OR51C1: variants seen among roughly 807,000 people sequenced by gnomAD.
The protein encoded by OR51C1 is olfactory receptor OR51C1.
the OR51C1 span, among the ~76,000 whole-genome samples, chr11:4,695,320 G>C: frequency 6.6e-6 from 1 of 152,044 alleles, no homozygotes; most frequent in African/African-American, 2.4e-5. Flanking sequence ...AGTGCCATTG[G>C]TTGCTTTTTT....
chr11:4,697,630 T>C, the OR51C1 span: 121,068 of 152,622 alleles, frequency 0.79, 48,348 homozygotes, highest in South Asian at 0.91. Flanking sequence ...AGCATTTTCA[T>C]TGAACAAAAC....
chr11:4,692,239 A>C, the OR51C1 span: 5 of 416,628 alleles, frequency 1.2e-5, no homozygotes, highest in Non-Finnish European at 1.4e-5. Context: ...ATTATAATAC[A>C]AAGTAACACA....
At chr11:4,696,628 CA>C in the OR51C1 span, among the ~76,000 whole-genome samples, 1 of 152,156 alleles carries the variant, frequency 6.6e-6, no homozygotes, top group Admixed American at 6.5e-5. Flanking sequence ...AAATTTCCCC[CA>C]AGCTTCTCTT....
the OR51C1 span, chr11:4,691,241 C>T: frequency 8.8e-6 from 4 of 456,836 alleles, no homozygotes; most frequent in South Asian, 4.6e-5. Flanking sequence ...GCATTAGGAG[C>T]CCCCTGATGA....
At chr11:4,695,577 T>C in the OR51C1 span, among the ~76,000 whole-genome samples, 1 of 152,200 alleles carries the variant, frequency 6.6e-6, no homozygotes, top group Non-Finnish European at 1.5e-5. Flanking sequence ...TTCCTTCACC[T>C]TCAGTAACAA....
the OR51C1 span, chr11:4,691,695 G>A: frequency 2.7e-6 from 1 of 366,104 alleles, no homozygotes; most frequent in South Asian, 2.1e-5. Context: ...ATTCTGCAAA[G>A]TTGACGTGAT....
At chr11:4,695,408 ATTCAT>A in the OR51C1 span, among the ~76,000 whole-genome samples, 1 of 152,216 alleles carries the variant, frequency 6.6e-6, no homozygotes, top group Admixed American at 6.5e-5. Flanking sequence ...TTTCCAAACA[ATTCAT>A]TTCAACCAGG....
the OR51C1 span, among the ~76,000 whole-genome samples, chr11:4,695,343 A>G: frequency 1.3e-5 from 2 of 152,126 alleles, no homozygotes; most frequent in African/African-American, 2.4e-5. Context: ...AGTCTGCAAT[A>G]CTCAAGTTTT....
At chr11:4,694,720 A>G in the OR51C1 span, among the ~76,000 whole-genome samples, 5 of 152,214 alleles carry the variant, frequency 3.3e-5, no homozygotes, top group African/African-American at 1.2e-4. Flanking sequence ...AACAGAAACA[A>G]ACAGATAAAT....
chr11:4,691,344 A>G, the OR51C1 span: 5 of 457,846 alleles, frequency 1.1e-5, no homozygotes, highest in South Asian at 7.7e-5. Flanking sequence ...ATCAAAAGCC[A>G]TGGCCAACAG....
At chr11:4,693,591 G>A in the OR51C1 span, among the ~76,000 whole-genome samples, 1 of 152,074 alleles carries the variant, frequency 6.6e-6, no homozygotes, top group African/African-American at 2.4e-5. Context: ...CGTGGTGGCG[G>A]GCGCCTGTAG....
At chr11:4,696,264 T>C in the OR51C1 span, among the ~76,000 whole-genome samples, 1 of 152,078 alleles carries the variant, frequency 6.6e-6, no homozygotes, top group African/African-American at 2.4e-5. Flanking sequence ...CATTCTCTCG[T>C]CCCCTCCAAA....
chr11:4,691,661 GA>G, the OR51C1 span: 1 of 403,688 alleles, frequency 2.5e-6, no homozygotes, highest in Non-Finnish European at 4.9e-6. Flanking sequence ...CAGTGAGCAG[GA>G]AAATGATGGA....
chr11:4,691,708 A>G, the OR51C1 span: 1 of 361,372 alleles, frequency 2.8e-6, no homozygotes, highest in Non-Finnish European at 5.5e-6. Context: ...GACGTGATGA[A>G]TTAAAAGTAC....
chr11:4,692,141 G>T, the OR51C1 span: 1 of 451,604 alleles, frequency 2.2e-6, no homozygotes, highest in South Asian at 1.6e-5. Context: ...TGGGGCTGTG[G>T]AACAGCAATA....
At chr11:4,693,589 C>T in the OR51C1 span, among the ~76,000 whole-genome samples, 3 of 152,042 alleles carry the variant, frequency 2.0e-5, no homozygotes, top group Non-Finnish European at 4.4e-5. Flanking sequence ...GGCGTGGTGG[C>T]GGGCGCCTGT....
chr11:4,694,502 A>G, the OR51C1 span, among the ~76,000 whole-genome samples: 1 of 138,956 alleles, frequency 7.2e-6, no homozygotes, highest in Non-Finnish European at 1.6e-5. Context: ...ATATATATAT[A>G]CACACACATA....
At chr11:4,692,228 C>T in the OR51C1 span, 1 of 430,364 alleles carries the variant, frequency 2.3e-6, no homozygotes, top group Non-Finnish European at 4.6e-6. Flanking sequence ...AGAAAGAGAT[C>T]ATTATAATAC....
chr11:4,694,462 G>A, the OR51C1 span, among the ~76,000 whole-genome samples: 1 of 149,848 alleles, frequency 6.7e-6, no homozygotes, highest in African/African-American at 2.5e-5. Context: ...AGTTCAAACT[G>A]AACTAAACTA....
Sources: allele counts gnomAD v4.1 joint callset (sites outside exome capture counted in the v4.1 genomes callset), GRCh38; gene constraint gnomAD v4.1.1; transcripts MANE v1.5; gene names NCBI Gene and HGNC (gene_info 2026-07-23, HGNC 2026-07-21).